The following ARNT2 variants were observed in gnomAD, a reference collection of about 807,000 sequenced individuals.
ARNT2 encodes aryl hydrocarbon receptor nuclear translocator 2, also known as ARNT protein 2.
Under a neutral mutation model 91.7 loss-of-function variants are expected in ARNT2, and 36 were observed. That is an observed-to-expected ratio of 0.39 (90% CI 0.30 to 0.52). The LOEUF (loss-of-function observed/expected upper bound fraction) is 0.52, where lower values mean the gene tolerates loss of function less well. ARNT2 is among the 20% of genes least tolerant of loss of function. ARNT2 has a pLI of 0.72. For missense variants in ARNT2, 775 were observed against 939.3 expected (o/e 0.83, Z 2.29); for synonymous variants, 365 against 347.1 (o/e 1.05, Z -0.57).
rs539543126 is a variant in ARNT2, at chr15:80,507,564, T to C, written c.623-592T>C. ...GAGGTTGATGCTAGAGGTGTAGATA[T>C]AGTACGGTCATTGGCATCCAGAGGT... On this transcript the variant is annotated intron_variant, in intron 5 of 18. Coordinates refer to ENST00000303329, the MANE Select transcript of ARNT2 (RefSeq NM_014862.4). 3.3e-5 allele frequency among the ~76,000 whole-genome samples: 5 copies of C among 152,096 alleles called. No individual in the cohort carries two copies. The East Asian group carries it at 9.6e-4, about 29-fold the overall frequency.
At chr15:80,476,748 G>A (rs80330656) in intron 5 of ARNT2, among the ~76,000 whole-genome samples, 4,267 of 152,338 alleles carry the variant, frequency 0.028, 184 homozygotes, top group African/African-American at 0.096. Context: ...TAGTTCTGGA[G>A]GCTGGGCATT....
At chr15:80,448,579 T>G (rs1322294050) in intron 1 of ARNT2, among the ~76,000 whole-genome samples, 6 of 152,230 alleles carry the variant, frequency 3.9e-5, no homozygotes, top group Non-Finnish European at 5.9e-5. Context: ...TTCAGGTGAT[T>G]GGAACGGGGA....
chr15:80,591,749 T>C lies in ARNT2; in HGVS notation c.2055+45T>C. On this transcript the variant is annotated intron_variant, in intron 18 of 18. Coordinates refer to ENST00000303329, the MANE Select transcript of ARNT2 (RefSeq NM_014862.4). The surrounding 1 kb of genome is among the most constrained non-coding windows in gnomAD (Gnocchi z 5.1). Reference sequence around the variant, plus strand: ...CCTTCTCGTAGGTACCGGCGCCTTCTCTCTGCTTCCTTTCCCCCTCGGTCT... The same window carrying C: ...CCTTCTCGTAGGTACCGGCGCCTTCCCTCTGCTTCCTTTCCCCCTCGGTCT... 6.2e-7 allele frequency: 1 copy of C among 1,608,676 alleles called. No individual in the cohort carries two copies. The highest frequency in any genetic ancestry group is 8.5e-7 in the Non-Finnish European group (1 of 1,175,842).
At chr15:80,545,736 C>A (rs1897979995) in intron 8 of ARNT2, among the ~76,000 whole-genome samples, 1 of 152,200 alleles carries the variant, frequency 6.6e-6, no homozygotes, top group Non-Finnish European at 1.5e-5. Flanking sequence ...TGAGTCCCAT[C>A]ATTCAAAGGG....
intron 12 of ARNT2, among the ~76,000 whole-genome samples, chr15:80,563,487 G>A (rs907752005): frequency 6.6e-6 from 1 of 152,090 alleles, no homozygotes; most frequent in Non-Finnish European, 1.5e-5. Flanking sequence ...CCTTCCCTTC[G>A]GTGCAAGGTG....
chr15:80,514,362 T>C lies in ARNT2; in HGVS notation c.834T>C (p.Ala278=). Residue 278 remains alanine, a synonymous_variant, in exon 8 of 19, where the codon GCT becomes GCC. Coordinates refer to ENST00000303329, the MANE Select transcript of ARNT2 (RefSeq NM_014862.4). ...GPVKEGEAQY[A]VVHCTGYIKA... ...TGAAAGAAGGAGAAGCCCAATATGC[T>C]GTGGTCCACTGTACAGGATACATCA... 6.2e-7 allele frequency: 1 copy of C among 1,614,214 alleles called. No homozygotes were observed. The highest frequency in any genetic ancestry group is 1.1e-5 in the South Asian group (1 of 91,090).
At position 80,412,510 on chromosome 15, in the gene ARNT2, A is replaced by G. The variant is rs796931873; in HGVS notation, c.31+7964A>G. ...TTCTAAATATTGTGTGTGTGTGTAT[A>G]TATATATATATAACAAAATAGAATT... On this transcript the variant is annotated intron_variant, in intron 1 of 18. Coordinates refer to ENST00000303329, the MANE Select transcript of ARNT2 (RefSeq NM_014862.4). Among the ~76,000 whole-genome samples the G allele has an allele frequency of 7.3e-5, 11 of 151,106 alleles. No homozygotes were observed. In the East Asian group the frequency reaches 7.8e-4, roughly 11 times the overall value.
intron 2 of ARNT2, among the ~76,000 whole-genome samples, chr15:80,454,826 A>G (rs1320014786): frequency 6.6e-6 from 1 of 152,222 alleles, no homozygotes; most frequent in Non-Finnish European, 1.5e-5. Flanking sequence ...CTCACAACTA[A>G]CTGCAAGTTC....
At chr15:80,409,573 G>A (rs1294469012) in intron 1 of ARNT2, among the ~76,000 whole-genome samples, 1 of 151,662 alleles carries the variant, frequency 6.6e-6, no homozygotes, top group Admixed American at 6.6e-5. Context: ...ATGTGCCGGG[G>A]ACTGATCTTG....
chr15:80,513,053 C>G lies in ARNT2; in HGVS notation c.726-858C>G, dbSNP rs1361815601. ...AGACCACACTAGTGCTGGCAGCTGT[C>G]TAAGGTCTCAGAGTATAACTAGACT... On this transcript the variant is annotated intron_variant, in intron 6 of 18. Transcript: ENST00000303329. 2.0e-5 allele frequency among the ~76,000 whole-genome samples: 3 copies of G among 152,210 alleles called. No homozygotes were observed. The East Asian group carries it at 5.8e-4, about 29-fold the overall frequency.
In ARNT2 at chr15:80,404,476, C is replaced by G. The variant is rs1461677463; in HGVS notation, c.-40C>G. The G allele has an allele frequency of 2.5e-6, 3 of 1,214,016 alleles. No individual in the cohort carries two copies. The highest frequency in any genetic ancestry group is 1.6e-5 in the South Asian group (1 of 61,000). The allele number at this position is 1,214,016 out of a possible 1,614,324, so 75.2% of individuals were successfully genotyped here. ...GCGCCGGGCTCCGCGCCGCCCCTCC[C>G]GCGCCCCTGCCAAGCGGGCGCCTAT... On this transcript the variant is annotated 5_prime_UTR_variant, in exon 1 of 19. Coordinates refer to ENST00000303329, the MANE Select transcript of ARNT2 (RefSeq NM_014862.4). This position sits in a 1 kb window ranked among gnomAD's most constrained non-coding sequence, Gnocchi z 5.5.
chr15:80,416,631 TTTG>T (rs1895789453), intron 1 of ARNT2, among the ~76,000 whole-genome samples: 4 of 87,340 alleles, frequency 4.6e-5, no homozygotes, highest in South Asian at 4.5e-4. Context: ...GTTTTTTTTG[TTTG>T]TTTGTTTGTT....
intron 1 of ARNT2, among the ~76,000 whole-genome samples, chr15:80,405,468 G>A (rs1895585834): frequency 6.6e-6 from 1 of 152,152 alleles, no homozygotes; most frequent in South Asian, 2.1e-4. Context: ...CCAGCAGAGG[G>A]AGGTCATGTG....
rs748457999 is a variant in ARNT2, at chr15:80,580,533, C to T, written c.1736C>T (p.Pro579Leu). 11 of 1,613,926 alleles carry T rather than the reference C, an allele frequency of 6.8e-6. No individual in the cohort carries two copies. The highest frequency in any genetic ancestry group is 3.3e-4 in the Middle Eastern group (2 of 5,998). Reference protein sequence around the residue: ...QSQVAWTGSRPPFPGQQIPSQ... With the variant: ...QSQVAWTGSRLPFPGQQIPSQ... ...CAGGTGGCATGGACAGGGAGTCGTC[C>T]GCCCTTTCCGGGACAGGTATGGGCA... is the stretch of plus-strand genomic sequence containing the variant. Residue 579 changes from proline to leucine, a missense_variant, in exon 16 of 19, where the codon CCG becomes CTG. Pro to Leu is a moderately conservative substitution (Grantham distance 98, BLOSUM62 -3). Coordinates refer to ENST00000303329, the MANE Select transcript of ARNT2 (RefSeq NM_014862.4).
At chr15:80,472,410 T>C (rs1298219351) in intron 4 of ARNT2, among the ~76,000 whole-genome samples, 4 of 152,118 alleles carry the variant, frequency 2.6e-5, no homozygotes, top group East Asian at 1.9e-4. Context: ...AAAGATTTTG[T>C]TGGGAGACCT....
intron 8 of ARNT2, among the ~76,000 whole-genome samples, chr15:80,537,188 TG>T (rs1897839797): frequency 6.6e-6 from 1 of 152,170 alleles, no homozygotes; most frequent in East Asian, 1.9e-4. Context: ...CCACTTGGTT[TG>T]TATGGACTTT....
chr15:80,551,057 G>A (rs1461947591), intron 8 of ARNT2, 142 bp from the exon 9 acceptor site: 1 of 712,364 alleles, frequency 1.4e-6, no homozygotes, highest in East Asian at 2.5e-5. Context: ...TGAGGAACTG[G>A]TTAATTCATT....
intron 8 of ARNT2, among the ~76,000 whole-genome samples, chr15:80,544,559 G>T (rs1451508962): frequency 1.3e-5 from 2 of 152,108 alleles, no homozygotes; most frequent in Non-Finnish European, 2.9e-5. Flanking sequence ...GATTTAAAAA[G>T]CAACGACTAA....
chr15:80,435,050 G>A (rs553536205), intron 1 of ARNT2, among the ~76,000 whole-genome samples: 14 of 152,144 alleles, frequency 9.2e-5, no homozygotes, highest in African/African-American at 2.4e-4. Flanking sequence ...CCCTCCTACC[G>A]GTTGTCGCCT....
Sources: allele counts gnomAD v4.1 joint callset (sites outside exome capture counted in the v4.1 genomes callset), GRCh38; gene constraint gnomAD v4.1.1; non-coding constraint Gnocchi (gnomAD v3.1); transcripts MANE v1.5; gene names NCBI Gene and HGNC (gene_info 2026-07-23, HGNC 2026-07-21).